ATXN10: variants seen among roughly 807,000 people sequenced by gnomAD.
The protein encoded by ATXN10 is ataxin 10, also known as ataxin-10.
ATXN10 carries 28 observed loss-of-function variants against 52.9 expected under a neutral mutation model. The ratio of observed to expected loss-of-function variants is 0.53; its 90% CI spans 0.39 to 0.73. The LOEUF is 0.73. ATXN10 is among the 30% of genes least tolerant of loss of function. The pLI, the probability that ATXN10 is intolerant of heterozygous loss-of-function variation, is 0.00. For missense variants in ATXN10, 565 were observed against 577.0 expected (o/e 0.98, Z 0.21); for synonymous variants, 226 against 221.5 (o/e 1.02, Z -0.18).
intron 10 of ATXN10, among the ~76,000 whole-genome samples, chr22:45,822,488 A>G (rs1928680783): frequency 6.6e-6 from 1 of 151,308 alleles, no homozygotes; most frequent in African/African-American, 2.4e-5. Context: ...ATTCTGAGGA[A>G]TATAATATGT....
intron 9 of ATXN10, among the ~76,000 whole-genome samples, chr22:45,803,906 C>G (rs1274090181): frequency 1.3e-5 from 2 of 152,080 alleles, no homozygotes; most frequent in Non-Finnish European, 2.9e-5. Flanking sequence ...GATCCCCCCT[C>G]CAAGACCCAC....
At position 45,705,523 on chromosome 22, in the gene ATXN10, T is replaced by C. The variant is rs1225635321; in HGVS notation, c.647+2676T>C. Among the ~76,000 whole-genome samples, 3 of 151,944 alleles carry C rather than the reference T, an allele frequency of 2.0e-5. No individual in the cohort carries two copies. Among genetic ancestry groups the C allele is most frequent in the Non-Finnish European group, 4.4e-5 (3 of 67,986 alleles). On this transcript the variant is annotated intron_variant, in intron 5 of 11. Transcript: ENST00000252934. This position sits in a 1 kb window ranked among gnomAD's most constrained non-coding sequence, Gnocchi z 5.2. ...ATCTCGGCTCACTGCAACCTCCGCC[T>C]CTTGGGTTCAAGCAATTCTCTGCCT... is the stretch of plus-strand genomic sequence containing the variant.
chr22:45,788,793 G>A (rs1445987816), intron 9 of ATXN10, among the ~76,000 whole-genome samples: 1 of 151,972 alleles, frequency 6.6e-6, no homozygotes, highest in Non-Finnish European at 1.5e-5. Flanking sequence ...TGGGACTACA[G>A]GCTCACACAC....
intron 5 of ATXN10, among the ~76,000 whole-genome samples, chr22:45,716,102 A>T (rs1377785070): frequency 6.6e-6 from 1 of 152,118 alleles, no homozygotes; most frequent in Non-Finnish European, 1.5e-5. Context: ...TCTGCCAAAA[A>T]AATAAAAATA....
rs1259241977 is a variant in ATXN10, at chr22:45,820,911, A to G, written c.1237+13889A>G. On this transcript the variant is annotated intron_variant, in intron 10 of 11. Transcript: ENST00000252934. This position sits in a 1 kb window ranked among gnomAD's most constrained non-coding sequence, Gnocchi z 4.9. ...GGACAGAAGCCAGGGAAAAGCACGA[A>G]TAGAAATGGTTCGAGTTTCTATGAG... 1.3e-5 allele frequency among the ~76,000 whole-genome samples: 2 copies of G among 152,322 alleles called. No homozygotes were observed. The highest frequency in any genetic ancestry group is 4.8e-5 in the African/African-American group (2 of 41,566).
rs988419289 is a variant in ATXN10, at chr22:45,718,625, G to A, written c.728+132G>A. 2 of 869,424 alleles carry A rather than the reference G, an allele frequency of 2.3e-6. No homozygotes were observed. The highest frequency in any genetic ancestry group is 3.3e-5 in the African/African-American group (2 of 60,204). The allele number at this position is 869,424 out of a possible 1,614,324, so 53.9% of individuals were successfully genotyped here. On this transcript the variant is annotated intron_variant, in intron 6 of 11. Transcript: ENST00000252934. This position sits in a 1 kb window ranked among gnomAD's most constrained non-coding sequence, Gnocchi z 4.4. ...AATACATGTTTCTGTGTTGGTAATG[G>A]TTTTAAATTGGTTGGTTAACATTAC... is the stretch of plus-strand genomic sequence containing the variant.
In ATXN10 at chr22:45,805,348, G is replaced by T. The variant is rs1186786263; in HGVS notation, c.1174-1611G>T. ...TATGATCTAGCAGTTTGACTCCTAG[G>T]TATATACCCAAGAACAATGAATACT... On this transcript the variant is annotated intron_variant, in intron 9 of 11. Coordinates refer to ENST00000252934, the MANE Select transcript of ATXN10 (RefSeq NM_013236.4). The surrounding 1 kb of genome is among the most constrained non-coding windows in gnomAD (Gnocchi z 4.4). Among the ~76,000 whole-genome samples, 1 of 152,036 alleles carries T rather than the reference G, an allele frequency of 6.6e-6. No homozygotes were observed. The highest frequency in any genetic ancestry group is 2.4e-5 in the African/African-American group (1 of 41,378).
At position 45,758,464 on chromosome 22, in the gene ATXN10, A is replaced by G. The variant is rs533051714; in HGVS notation, c.1173+17926A>G. ...AAAATACATAATTCTTTTTGGTTCA[A>G]AAGATTAGATTCAAATTATTGGTCA... On this transcript the variant is annotated intron_variant, in intron 9 of 11. Coordinates refer to ENST00000252934, the MANE Select transcript of ATXN10 (RefSeq NM_013236.4). Among the ~76,000 whole-genome samples the G allele has an allele frequency of 3.9e-5, 6 of 152,350 alleles. No homozygotes were observed. The East Asian group carries it at 9.6e-4, about 24-fold the overall frequency.
chr22:45,822,408 G>A (rs576375471), intron 10 of ATXN10, among the ~76,000 whole-genome samples: 28 of 151,740 alleles, frequency 1.8e-4, no homozygotes, highest in South Asian at 4.2e-4. Flanking sequence ...TCCATCAGCA[G>A]TATATGAAAG....
At chr22:45,802,212 G>A (rs944963041) in intron 9 of ATXN10, among the ~76,000 whole-genome samples, 7 of 152,270 alleles carry the variant, frequency 4.6e-5, no homozygotes, top group South Asian at 4.1e-4. Context: ...GCACTACCAC[G>A]GGAAAGTGTT....
At position 45,733,064 on chromosome 22, in the gene ATXN10, A is replaced by C. The variant is rs967081665; in HGVS notation, c.894+3474A>C. Among the ~76,000 whole-genome samples the C allele has an allele frequency of 6.6e-6, 1 of 152,152 alleles. No individual in the cohort carries two copies. On this transcript the variant is annotated intron_variant, in intron 7 of 11. Coordinates refer to ENST00000252934, the MANE Select transcript of ATXN10 (RefSeq NM_013236.4). The surrounding 1 kb of genome is among the most constrained non-coding windows in gnomAD (Gnocchi z 4.4). ...TCCTGTCTTTTGATATATTTTGTAT[A>C]CTTGTTTCCAGTTTTTGATATATTT... is the stretch of plus-strand genomic sequence containing the variant.
intron 7 of ATXN10, among the ~76,000 whole-genome samples, chr22:45,734,778 G>A (rs1258723663): frequency 1.3e-5 from 2 of 151,342 alleles, no homozygotes; most frequent in East Asian, 3.9e-4. Context: ...GAGACTGACT[G>A]GGTTTGAATC....
intron 9 of ATXN10, among the ~76,000 whole-genome samples, chr22:45,776,562 T>C (rs192473786): frequency 1.2e-4 from 19 of 152,076 alleles, no homozygotes; most frequent in African/African-American, 3.6e-4. Context: ...TAAACTGATA[T>C]GGAAGAGAAG....
chr22:45,738,313 T>C (rs190085098), intron 7 of ATXN10, among the ~76,000 whole-genome samples: 1 of 152,226 alleles, frequency 6.6e-6, no homozygotes, highest in Admixed American at 6.5e-5. Context: ...AAGAAATTAA[T>C]GTATTTTATG....
chr22:45,674,531 A>G (rs574135537), intron 1 of ATXN10: 1 of 152,348 alleles, frequency 6.6e-6, no homozygotes, highest in East Asian at 1.9e-4. Context: ...TGCTCCTCTG[A>G]GAGGATCCCT....
intron 7 of ATXN10, among the ~76,000 whole-genome samples, chr22:45,736,759 G>A (rs909659932): frequency 1.3e-5 from 2 of 151,974 alleles, no homozygotes; most frequent in Non-Finnish European, 2.9e-5. Flanking sequence ...TTTATTTTTT[G>A]CAGTAGTGTT....
rs775367493 is a variant in ATXN10, at chr22:45,718,156, C to T, written c.648-257C>T. ...AACAGCTATAGTAGCCCTGTCTTCC[C>T]GTTGAATCAATTTAAATTATTTCCA... On this transcript the variant is annotated intron_variant, in intron 5 of 11. Coordinates refer to ENST00000252934, the MANE Select transcript of ATXN10 (RefSeq NM_013236.4). This position sits in a 1 kb window ranked among gnomAD's most constrained non-coding sequence, Gnocchi z 4.4. Among the ~76,000 whole-genome samples the T allele has an allele frequency of 8.6e-5, 13 of 151,974 alleles. No individual in the cohort carries two copies. The highest frequency in any genetic ancestry group is 1.4e-4 in the African/African-American group (6 of 41,388).
chr22:45,808,045 A>G (rs1378603299), intron 10 of ATXN10, among the ~76,000 whole-genome samples: 1 of 152,242 alleles, frequency 6.6e-6, no homozygotes, highest in Non-Finnish European at 1.5e-5. Flanking sequence ...ATAGAAAACA[A>G]TCTTATTTTA....
chr22:45,747,703 G>C (rs1395670818), intron 9 of ATXN10, among the ~76,000 whole-genome samples: 5 of 152,084 alleles, frequency 3.3e-5, no homozygotes, highest in African/African-American at 1.2e-4. Flanking sequence ...GTTTAAATTT[G>C]GACAAGTGTC....
Sources: allele counts gnomAD v4.1 joint callset (sites outside exome capture counted in the v4.1 genomes callset), GRCh38; gene constraint gnomAD v4.1.1; non-coding constraint Gnocchi (gnomAD v3.1); transcripts MANE v1.5; gene names NCBI Gene and HGNC (gene_info 2026-07-23, HGNC 2026-07-21).